MCHR2: variants seen among roughly 807,000 people sequenced by gnomAD.
MCHR2 encodes melanin concentrating hormone receptor 2.
In MCHR2, 15 loss-of-function variants were observed where a neutral mutation model predicts 24.8. The observed-to-expected ratio is 0.60, with a 90% confidence interval of 0.40 to 0.93. MCHR2 has a LOEUF of 0.93. Among genes scored for constraint, MCHR2 ranks in the 40% least tolerant of loss-of-function variants. The probability of loss-of-function intolerance (pLI) is 0.00; values close to 1 mark genes in which losing one functional copy is unlikely to be tolerated. For synonymous variants in MCHR2, 151 were observed against 147.6 expected, an observed-to-expected ratio of 1.02 and a Z score of -0.17; for missense variants, 386 against 408.7, an observed-to-expected ratio of 0.94 and a Z score of 0.48.
chr6:99,989,023 A>AG (rs1775818451), intron 1 of MCHR2, among the ~76,000 whole-genome samples: 1 of 152,236 alleles, frequency 6.6e-6, no homozygotes, highest in Non-Finnish European at 1.5e-5. Context: ...GTACATAGTC[A>AG]TACTTATGAA....
intron 5 of MCHR2, among the ~76,000 whole-genome samples, chr6:99,932,819 C>A (rs1229261545): frequency 2.0e-5 from 3 of 152,058 alleles, no homozygotes; most frequent in African/African-American, 7.2e-5. Context: ...TGGATTGAAT[C>A]TGGAACAGAT....
intron 1 of MCHR2, among the ~76,000 whole-genome samples, chr6:99,956,879 T>G (rs1236864525): frequency 6.6e-6 from 1 of 152,156 alleles, no homozygotes; most frequent in East Asian, 1.9e-4. Context: ...AGTCTGGTAT[T>G]TGGAAATGAT....
chr6:99,985,385 AAG>A (rs1233410397), intron 1 of MCHR2, among the ~76,000 whole-genome samples: 2 of 152,150 alleles, frequency 1.3e-5, no homozygotes, highest in Non-Finnish European at 2.9e-5. Context: ...TCCTAAACAA[AAG>A]AGAATAAATC....
intron 1 of MCHR2, among the ~76,000 whole-genome samples, chr6:99,973,894 C>T (rs949431318): frequency 1.2e-4 from 18 of 152,244 alleles, no homozygotes; most frequent in Admixed American, 6.5e-5. Context: ...GGCCCCCACT[C>T]TCTTCTGGCT....
At chr6:99,941,392 C>A (rs1325795862) in intron 4 of MCHR2, among the ~76,000 whole-genome samples, 1 of 151,896 alleles carries the variant, frequency 6.6e-6, no homozygotes, top group Non-Finnish European at 1.5e-5. Context: ...GGAGTGGGGG[C>A]ATTCAGTCAG....
chr6:99,970,846 A>C (rs926941367), intron 1 of MCHR2, among the ~76,000 whole-genome samples: 2 of 152,120 alleles, frequency 1.3e-5, no homozygotes, highest in Non-Finnish European at 2.9e-5. Flanking sequence ...TGTTTTTGTC[A>C]GGTTTGTCAA....
intron 2 of MCHR2, among the ~76,000 whole-genome samples, chr6:99,954,378 A>T (rs1481988828): frequency 6.6e-6 from 1 of 152,150 alleles, no homozygotes; most frequent in African/African-American, 2.4e-5. Flanking sequence ...CAGGTTGGGC[A>T]TCCCTAACTT....
At chr6:99,964,270 A>T (rs528829054) in intron 1 of MCHR2, among the ~76,000 whole-genome samples, 55 of 152,280 alleles carry the variant, frequency 3.6e-4, no homozygotes, top group Middle Eastern at 6.8e-3. Context: ...GGTAGGATAT[A>T]CCTAAAGATA....
chr6:99,927,531 C>G (rs1466101800), intron 5 of MCHR2, among the ~76,000 whole-genome samples: 1 of 152,102 alleles, frequency 6.6e-6, no homozygotes, highest in African/African-American at 2.4e-5. Context: ...GTTTGTAGCT[C>G]TCCTTGAAGA....
At chr6:99,943,427 T>C (rs1367851020) in intron 3 of MCHR2, among the ~76,000 whole-genome samples, 27 of 150,628 alleles carry the variant, frequency 1.8e-4, no homozygotes, top group African/African-American at 2.9e-4. Context: ...GCTGGTGTGC[T>C]GCACCCATTA....
intron 5 of MCHR2, among the ~76,000 whole-genome samples, chr6:99,927,494 T>C (rs1258502571): frequency 1.3e-5 from 2 of 152,240 alleles, no homozygotes; most frequent in African/African-American, 2.4e-5. Flanking sequence ...CATTTCTTTG[T>C]ATCCTCTTTT....
chr6:99,955,897 T>C, intron 2 of MCHR2, 69 bp downstream of exon 2: 3 of 1,299,402 alleles, frequency 2.3e-6, no homozygotes, highest in Non-Finnish European at 3.1e-6. Context: ...AAAGGACTCA[T>C]TTAGGGAGCT....
chr6:99,920,895 A>G lies in MCHR2; in HGVS notation c.*45T>C. Reference sequence around the variant, plus strand: ...ACCTGCCCTTTCTGATAATACCAGTAAGATAGACAATCATGTCTAGACTCA... The same window carrying G: ...ACCTGCCCTTTCTGATAATACCAGTGAGATAGACAATCATGTCTAGACTCA... On this transcript the variant is annotated 3_prime_UTR_variant, in exon 6 of 6. Transcript: ENST00000281806. The G allele has an allele frequency of 6.4e-7, 1 of 1,571,762 alleles. No individual in the cohort carries two copies. Among genetic ancestry groups the G allele is most frequent in the South Asian group, 1.2e-5 (1 of 85,810 alleles).
intron 1 of MCHR2, among the ~76,000 whole-genome samples, chr6:99,983,931 G>T (rs966670615): frequency 2.6e-5 from 4 of 152,104 alleles, no homozygotes; most frequent in East Asian, 1.9e-4. Flanking sequence ...TGACAGATGT[G>T]TTTGTTTTTA....
intron 5 of MCHR2, among the ~76,000 whole-genome samples, chr6:99,934,006 T>G (rs1421264339): frequency 6.6e-6 from 1 of 152,004 alleles, no homozygotes; most frequent in Non-Finnish European, 1.5e-5. Context: ...ACTTTTCTCC[T>G]TTAAATTAAA....
chr6:99,934,558 C>T, intron 4 of MCHR2, 41 bp from the exon 5 acceptor site: 3 of 1,498,404 alleles, frequency 2.0e-6, no homozygotes, highest in Non-Finnish European at 2.7e-6. Flanking sequence ...GAAAGAACAA[C>T]ACCATTACAT....
At chr6:99,972,486 A>G (rs1775447214) in intron 1 of MCHR2, among the ~76,000 whole-genome samples, 1 of 151,936 alleles carries the variant, frequency 6.6e-6, no homozygotes, top group African/African-American at 2.4e-5. Context: ...CAGTCTATCA[A>G]TTTTGTTGAT....
intron 1 of MCHR2, among the ~76,000 whole-genome samples, chr6:99,968,876 T>C (rs1775341843): frequency 6.6e-6 from 1 of 152,046 alleles, no homozygotes; most frequent in Admixed American, 6.6e-5. Flanking sequence ...CCTCATAATC[T>C]ATGGGCCAGA....
chr6:99,962,760 TA>T (rs1775217740), intron 1 of MCHR2, among the ~76,000 whole-genome samples: 1 of 152,008 alleles, frequency 6.6e-6, no homozygotes, highest in Non-Finnish European at 1.5e-5. Context: ...TACACTGAAC[TA>T]AAAAGCTTCT....
Sources: allele counts gnomAD v4.1 joint callset (sites outside exome capture counted in the v4.1 genomes callset), GRCh38; gene constraint gnomAD v4.1.1; transcripts MANE v1.5; gene names NCBI Gene and HGNC (gene_info 2026-07-23, HGNC 2026-07-21).